TTC28: variants seen among roughly 807,000 people sequenced by gnomAD.
The protein encoded by TTC28 is tetratricopeptide repeat domain 28.
TTC28 carries 61 observed loss-of-function variants against 198.0 expected under a neutral mutation model. The observed-to-expected ratio is 0.31, with a 90% CI of 0.25 to 0.38. The LOEUF (loss-of-function observed/expected upper bound fraction) is 0.38. Ranked by LOEUF, TTC28 falls within the 10% of genes least tolerant of loss-of-function variation. The probability of loss-of-function intolerance (pLI) is 1.00; values close to 1 mark genes in which losing one functional copy is unlikely to be tolerated. For missense variants in TTC28, 2,678 were observed against 3,164.0 expected (o/e 0.85, Z 3.69); for synonymous variants, 1,171 against 1,297.8 (o/e 0.90, Z 2.10).
At position 27,992,584 on chromosome 22, in the gene TTC28, T is replaced by C. The variant is rs2146524077; in HGVS notation, c.5553+3A>G. 1 of 1,551,212 alleles carries C rather than the reference T, an allele frequency of 6.4e-7. No homozygotes were observed. The highest frequency in any genetic ancestry group is 8.7e-7 in the Non-Finnish European group (1 of 1,146,904). On this transcript the variant is annotated splice_donor_region_variant and intron_variant, in intron 19 of 22. Coordinates refer to ENST00000397906, the MANE Select transcript of TTC28 (RefSeq NM_001145418.2). ...CTGGCTCAGCCCTCCAGGCTCGACT[T>C]ACCCGGCTGATGAGCTGCTCGCCCG...
chr22:28,266,659 A>G (rs549016724), intron 5 of TTC28, among the ~76,000 whole-genome samples: 12 of 152,300 alleles, frequency 7.9e-5, no homozygotes, highest in African/African-American at 2.2e-4. Context: ...AGACAGGCTG[A>G]GCATAATCAG....
chr22:28,051,832 C>T (rs766049123), intron 12 of TTC28, among the ~76,000 whole-genome samples: 13 of 152,072 alleles, frequency 8.5e-5, no homozygotes, highest in Non-Finnish European at 1.6e-4. Context: ...TACCACCCAT[C>T]GTCCACACAG....
chr22:28,327,649 A>T (rs1270644063), intron 2 of TTC28, among the ~76,000 whole-genome samples: 3 of 152,202 alleles, frequency 2.0e-5, no homozygotes, highest in African/African-American at 7.2e-5. Context: ...AACTACCGTA[A>T]ATAATAAGAA....
In TTC28 at chr22:28,087,053, C is replaced by T. The variant is rs529263606; in HGVS notation, c.3932+7027G>A. Among the ~76,000 whole-genome samples, 86 of 152,170 alleles carry T rather than the reference C, an allele frequency of 5.7e-4. 1 individual carries two copies. In the South Asian group the frequency reaches 6.0e-3, roughly 11 times the overall value. ...CAACCAAAAAGAGTCCAGGACCAGA[C>T]GGATTCACAGCGGAATTCTACCAGA... On this transcript the variant is annotated intron_variant, in intron 12 of 22. Transcript: ENST00000397906.
At chr22:28,145,255 T>C (rs1002997921) in intron 6 of TTC28, among the ~76,000 whole-genome samples, 3 of 152,198 alleles carry the variant, frequency 2.0e-5, no homozygotes, top group Non-Finnish European at 4.4e-5. Context: ...GCAAATATAT[T>C]ATTATTGTTC....
At chr22:27,986,613 C>T (rs17391737) in intron 21 of TTC28, among the ~76,000 whole-genome samples, 3,148 of 152,300 alleles carry the variant, frequency 0.021, 39 homozygotes, top group Non-Finnish European at 0.029. Context: ...TCTGACCTCA[C>T]AGTGTTAAAG....
intron 2 of TTC28, among the ~76,000 whole-genome samples, chr22:28,523,703 GCA>G (rs776343625): frequency 5.3e-5 from 8 of 152,058 alleles, no homozygotes; most frequent in African/African-American, 7.3e-5. Context: ...ATTTTTTCAT[GCA>G]CACACAGTTA....
In TTC28 at chr22:27,982,306, G is replaced by A. The variant is rs199899926; in HGVS notation, c.7361C>T (p.Ala2454Val). 283 of 1,523,234 alleles carry A rather than the reference G, an allele frequency of 1.9e-4. No homozygotes were observed. The highest frequency in any genetic ancestry group is 2.2e-4 in the Non-Finnish European group (247 of 1,132,792). The allele number at this position is 1,523,234 out of a possible 1,614,324, so 94.4% of individuals were successfully genotyped here. ...LPLPAGPPATAPARPLRLPSG... is the reference protein window; with the variant it reads ...LPLPAGPPATVPARPLRLPSG... ...AGGAAGCCTCAAAGGGCGCGCGGGG[G>A]CTGTGGCGGGAGGGCCGGCGGGCAG... Residue 2454 changes from alanine to valine, a missense_variant, in exon 23 of 23, where the codon GCC (alanine) becomes GTC (valine). Ala to Val is a moderately conservative substitution (Grantham distance 64, BLOSUM62 0). Transcript: ENST00000397906. This position sits in a 1 kb window ranked among gnomAD's most constrained non-coding sequence, Gnocchi z 5.2.
At chr22:28,123,131 C>A (rs1942829511) in intron 6 of TTC28, among the ~76,000 whole-genome samples, 1 of 152,188 alleles carries the variant, frequency 6.6e-6, no homozygotes, top group African/African-American at 2.4e-5. Context: ...AATATGGGAG[C>A]AAGATGAGAA....
chr22:28,106,895 T>C (rs1249625819), intron 7 of TTC28, among the ~76,000 whole-genome samples, 167 bp downstream of exon 7: 1 of 152,180 alleles, frequency 6.6e-6, no homozygotes, highest in East Asian at 1.9e-4. Flanking sequence ...AACATAAGGG[T>C]AACAACATCA....
At chr22:28,599,555 G>A (rs575432759) in intron 2 of TTC28, among the ~76,000 whole-genome samples, 17 of 152,124 alleles carry the variant, frequency 1.1e-4, no homozygotes, top group South Asian at 2.1e-4. Flanking sequence ...TTGGAAGGCC[G>A]AGGTGGGAGG....
rs79230571 is a variant in TTC28, at chr22:28,420,468, G to A, written c.382-113825C>T. Among the ~76,000 whole-genome samples the A allele has an allele frequency of 8.1e-3, 1,175 of 145,638 alleles. 23 individuals are homozygous for A. Among genetic ancestry groups the A allele is most frequent in the African/African-American group, 0.027 (1,083 of 39,528 alleles). ...AAACACACTTAAAGAGAGAGACCAT[G>A]TAAGCTTTAACTCTTTGACCTTTTG... On this transcript the variant is annotated intron_variant, in intron 2 of 22. Coordinates refer to ENST00000397906, the MANE Select transcript of TTC28 (RefSeq NM_001145418.2).
rs572182439 is a variant in TTC28, at chr22:28,663,490, G to A, written c.102+16132C>T. ...CGAGGCATTGCCTCACCTGGGAAGC[G>A]CAAGGGGTCAGGGAGTTCCCTTTCC... On this transcript the variant is annotated intron_variant, in intron 1 of 22. Coordinates refer to ENST00000397906, the MANE Select transcript of TTC28 (RefSeq NM_001145418.2). 1.9e-3 allele frequency among the ~76,000 whole-genome samples: 273 copies of A among 143,224 alleles called. 1 individual carries two copies. The highest frequency in any genetic ancestry group is 3.5e-3 in the Middle Eastern group (1 of 284). 94.0% of individuals were successfully genotyped at this position (143,224 alleles called of 152,430 possible).
At chr22:28,455,713 C>CAA (rs747031430) in intron 2 of TTC28, among the ~76,000 whole-genome samples, 18 of 121,940 alleles carry the variant, frequency 1.5e-4, no homozygotes, top group African/African-American at 4.8e-4. Context: ...GACTCTTTCC[C>CAA]AAAAAAAAAA....
At chr22:28,076,665 C>A (rs1358999849) in intron 12 of TTC28, among the ~76,000 whole-genome samples, 2 of 152,198 alleles carry the variant, frequency 1.3e-5, no homozygotes, top group Non-Finnish European at 2.9e-5. Flanking sequence ...CAGGCTCAAA[C>A]TCCTGGGATC....
intron 5 of TTC28, among the ~76,000 whole-genome samples, chr22:28,248,061 C>G (rs1162896707): frequency 6.6e-6 from 1 of 152,246 alleles, no homozygotes; most frequent in Non-Finnish European, 1.5e-5. Flanking sequence ...ACACTGTTTG[C>G]TGCTTACTTG....
intron 2 of TTC28, among the ~76,000 whole-genome samples, chr22:28,314,953 G>A (rs946942822): frequency 3.3e-5 from 5 of 152,138 alleles, no homozygotes; most frequent in South Asian, 2.1e-4. Context: ...TGTATAGGTC[G>A]CTGGGGATTG....
intron 2 of TTC28, among the ~76,000 whole-genome samples, chr22:28,629,132 C>T (rs547057663): frequency 6.6e-6 from 1 of 151,756 alleles, no homozygotes; most frequent in African/African-American, 2.4e-5. Flanking sequence ...CAGAAATTTC[C>T]CTGATTAAAT....
intron 1 of TTC28, among the ~76,000 whole-genome samples, chr22:28,660,789 G>T (rs903714549): frequency 6.7e-6 from 1 of 149,168 alleles, no homozygotes; most frequent in Non-Finnish European, 1.5e-5. Flanking sequence ...TTCCCAAAGT[G>T]CTGGGATTAC....
Sources: allele counts gnomAD v4.1 joint callset (sites outside exome capture counted in the v4.1 genomes callset), GRCh38; gene constraint gnomAD v4.1.1; non-coding constraint Gnocchi (gnomAD v3.1); transcripts MANE v1.5; gene names NCBI Gene and HGNC (gene_info 2026-07-23, HGNC 2026-07-21).